Variants in TICAM1 observed in about 807,000 individuals in gnomAD.
TICAM1 encodes TIR domain containing adaptor molecule 1.
For missense variants in TICAM1, 895 were observed against 938.2 expected (o/e 0.95, Z 0.60); for synonymous variants, 439 against 415.4 (o/e 1.06, Z -0.69).
In TICAM1 at chr19:4,816,706, C is replaced by T. The variant is rs768703212; in HGVS notation, c.1672G>A (p.Gly558Ser). 3 of 1,614,092 alleles carry T rather than the reference C, an allele frequency of 1.9e-6. No individual in the cohort carries two copies. The highest frequency in any genetic ancestry group is 1.1e-5 in the South Asian group (1 of 91,086). ...ALREQSQHLD[G>S]ERMQAAALNA... Reference sequence around the variant, plus strand: ...AGTGCCGCCGCCTGCATCCGCTCACCGTCCAGGTGTTGGCTCTGTTCCCGC... The same window carrying T: ...AGTGCCGCCGCCTGCATCCGCTCACTGTCCAGGTGTTGGCTCTGTTCCCGC... The change falls in exon 2 of 2, where the codon GGT (glycine) becomes AGT (serine). Residue 558 changes from glycine (G) to serine (S), a missense_variant. Gly to Ser is a moderately conservative substitution (Grantham distance 56, BLOSUM62 0). Transcript: ENST00000248244. This position sits in a 1 kb window ranked among gnomAD's most constrained non-coding sequence, Gnocchi z 4.3.
In TICAM1 at chr19:4,816,562, G is replaced by C. The variant is rs1196941925; in HGVS notation, c.1816C>G (p.Arg606Gly). 6.2e-7 allele frequency: 1 copy of C among 1,611,466 alleles called. No homozygotes were observed. The highest frequency in any genetic ancestry group is 8.5e-7 in the Non-Finnish European group (1 of 1,179,482). The change falls in exon 2 of 2, where the codon CGA becomes GGA. Residue 606 changes from arginine (R) to glycine (G), a missense_variant. Transcript: ENST00000248244. The surrounding 1 kb of genome is among the most constrained non-coding windows in gnomAD (Gnocchi z 4.3). ...SFGTGAPYGA[R>G]MPFGGQVPLG... The stretch of plus-strand genomic sequence containing the variant: ...GGCACCTGGCCCCCAAAGGGCATTC[G>C]AGCCCCATAGGGCGCCCCAGTCCCA...
At chr19:4,830,772 G>C (rs1035097017) in intron 1 of TICAM1, among the ~76,000 whole-genome samples, 4 of 152,202 alleles carry the variant, frequency 2.6e-5, no homozygotes, top group Non-Finnish European at 5.9e-5. Context: ...AGGGGACCAC[G>C]GTGGTCAAGG....
Position 4,816,842 on chromosome 19 carries a change from C to T in TICAM1, c.1536G>A (p.Arg512=), listed in dbSNP as rs753938233. 5 of 1,612,496 alleles carry T rather than the reference C, an allele frequency of 3.1e-6. No homozygotes were observed. The Admixed American group carries it at 8.3e-5, about 27-fold the overall frequency. The change falls in exon 2 of 2, where the codon CGG becomes CGA. Residue 512 remains arginine (R), a synonymous_variant. Coordinates refer to ENST00000248244, the MANE Select transcript of TICAM1 (RefSeq NM_182919.4). The surrounding 1 kb of genome is among the most constrained non-coding windows in gnomAD (Gnocchi z 4.3). The part of the protein sequence containing the change: ...DTASLLSGLV[R]LDEHSQIFAR... ...CGAAGATCTGGGAGTGTTCGTCCAG[C>T]CGCACCAGCCCGGAGAGCAGGCTGG... is the stretch of plus-strand genomic sequence containing the variant.
At chr19:4,825,998 T>C (rs998827252) in intron 1 of TICAM1, among the ~76,000 whole-genome samples, 1 of 151,010 alleles carries the variant, frequency 6.6e-6, no homozygotes, top group East Asian at 1.9e-4. Flanking sequence ...TAAATAAAAT[T>C]AAAATAAAAA....
Position 4,816,634 on chromosome 19 carries a change from C to T in TICAM1, c.1744G>A (p.Ala582Thr). The T allele has an allele frequency of 1.2e-6, 2 of 1,614,160 alleles. No homozygotes were observed. Among genetic ancestry groups the T allele is most frequent in the Non-Finnish European group, 8.5e-7 (1 of 1,180,040 alleles). Reference protein sequence around the residue: ...AYLQSYLSYQAQMEQLQVAFG... With the variant: ...AYLQSYLSYQTQMEQLQVAFG... ...GCCACCTGGAGCTGCTCCATCTGTG[C>T]CTGGTAGGACAAGTAGCTCTGGAGG... Residue 582 changes from alanine (A) to threonine (T), a missense_variant, in exon 2 of 2, where the codon GCA becomes ACA. Coordinates refer to ENST00000248244, the MANE Select transcript of TICAM1 (RefSeq NM_182919.4). This position sits in a 1 kb window ranked among gnomAD's most constrained non-coding sequence, Gnocchi z 4.3.
chr19:4,830,065 C>G (rs576599022), intron 1 of TICAM1, among the ~76,000 whole-genome samples: 1 of 138,198 alleles, frequency 7.2e-6, no homozygotes, highest in African/African-American at 2.9e-5. Context: ...CCTGGGATTA[C>G]AGGCGTGAGC....
chr19:4,817,702 CA>C lies in TICAM1; in HGVS notation c.675del (p.His225GlnfsTer29). 6.3e-7 allele frequency: 1 copy of C among 1,593,730 alleles called. No homozygotes were observed. The highest frequency in any genetic ancestry group is 8.5e-7 in the Non-Finnish European group (1 of 1,171,424). ...MPFLSLHRSP[H>X]GPSKLCDDPQ... ...GGGTCGTCACAGAGCTTGCTGGGCC[CA>C]TGTGGGCTGCGGTGCAGGCTGAGGA... On this transcript the variant is annotated frameshift_variant, in exon 2 of 2. Transcript: ENST00000248244. LOFTEE classifies it low-confidence loss of function (END_TRUNC). The surrounding 1 kb of genome is among the most constrained non-coding windows in gnomAD (Gnocchi z 4.7).
rs2093592795 is a variant in TICAM1, at chr19:4,818,978, G to A, written c.-139-462C>T. ...TACAAAGAATTAGCCAGGAGTGGTG[G>A]TGCATTCTTGTAATCCCAGCTACTT... On this transcript the variant is annotated intron_variant, in intron 1 of 1. Coordinates refer to ENST00000248244, the MANE Select transcript of TICAM1 (RefSeq NM_182919.4). The surrounding 1 kb of genome is among the most constrained non-coding windows in gnomAD (Gnocchi z 4.0). Among the ~76,000 whole-genome samples the A allele has an allele frequency of 6.6e-6, 1 of 152,138 alleles. No homozygotes were observed. The highest frequency in any genetic ancestry group is 1.5e-5 in the Non-Finnish European group (1 of 68,014).
At chr19:4,827,757 C>CAAAAA (rs568047332) in intron 1 of TICAM1, among the ~76,000 whole-genome samples, 2 of 90,770 alleles carry the variant, frequency 2.2e-5, no homozygotes, top group Admixed American at 2.3e-4. Flanking sequence ...GACTCCATCT[C>CAAAAA]AAAAAAAAAA....
At position 4,816,924 on chromosome 19, in the gene TICAM1, C is replaced by G. The variant is rs199751361; in HGVS notation, c.1454G>C (p.Cys485Ser). ...SNLTRQGSPD[C>S]VIPFLPLESS... ...CTCCAGGGGCAGGAAGGGGATGACA[C>G]AGTCTGGCGACCCCTGTCGCGTGAG... The change falls in exon 2 of 2, where the codon TGT becomes TCT. Residue 485 changes from cysteine (C) to serine (S), a missense_variant. Coordinates refer to ENST00000248244, the MANE Select transcript of TICAM1 (RefSeq NM_182919.4). The surrounding 1 kb of genome is among the most constrained non-coding windows in gnomAD (Gnocchi z 4.3). The G allele has an allele frequency of 2.5e-6, 4 of 1,613,738 alleles. No individual in the cohort carries two copies. The highest frequency in any genetic ancestry group is 2.2e-5 in the East Asian group (1 of 44,876).
In TICAM1 at chr19:4,818,929, G is replaced by A. The variant is rs972470026; in HGVS notation, c.-139-413C>T. 5.3e-5 allele frequency among the ~76,000 whole-genome samples: 8 copies of A among 152,144 alleles called. No homozygotes were observed. The highest frequency in any genetic ancestry group is 1.9e-4 in the African/African-American group (8 of 41,432). ...GTTCGAGACCAGCCTGGCCAACATG[G>A]TGAAACCCCGTTTCTACTAAAAATA... On this transcript the variant is annotated intron_variant, in intron 1 of 1. Transcript: ENST00000248244. This position sits in a 1 kb window ranked among gnomAD's most constrained non-coding sequence, Gnocchi z 4.0.
chr19:4,817,705 G>A lies in TICAM1; in HGVS notation c.673C>T (p.His225Tyr), dbSNP rs1281678153. 1 of 1,594,288 alleles carries A rather than the reference G, an allele frequency of 6.3e-7. No homozygotes were observed. Among genetic ancestry groups the A allele is most frequent in the African/African-American group, 1.3e-5 (1 of 74,702 alleles). The change falls in exon 2 of 2, where the codon CAT becomes TAT. Residue 225 changes from histidine (H) to tyrosine (Y), a missense_variant. Physicochemically the swap from His to Tyr is moderately conservative, Grantham distance 83. Coordinates refer to ENST00000248244, the MANE Select transcript of TICAM1 (RefSeq NM_182919.4). This position sits in a 1 kb window ranked among gnomAD's most constrained non-coding sequence, Gnocchi z 4.7. ...MPFLSLHRSP[H>Y]GPSKLCDDPQ... The stretch of plus-strand genomic sequence containing the variant: ...TCGTCACAGAGCTTGCTGGGCCCAT[G>A]TGGGCTGCGGTGCAGGCTGAGGAAG...
In TICAM1 at chr19:4,816,994, A is replaced by G. The variant is rs1376015491; in HGVS notation, c.1384T>C (p.Cys462Arg). 1.2e-6 allele frequency: 2 copies of G among 1,614,092 alleles called. No homozygotes were observed. Among genetic ancestry groups the G allele is most frequent in the East Asian group, 4.5e-5 (2 of 44,862 alleles). Residue 462 changes from cysteine to arginine, a missense_variant, in exon 2 of 2, where the codon TGT becomes CGT. Physicochemically the swap from Cys to Arg is radical, Grantham distance 180. Coordinates refer to ENST00000248244, the MANE Select transcript of TICAM1 (RefSeq NM_182919.4). The surrounding 1 kb of genome is among the most constrained non-coding windows in gnomAD (Gnocchi z 4.3). ...IILLLTSNFD[C>R]RLSLHQVNQA... ...TTCACCTGGTGCAGGCTCAGGCGAC[A>G]GTCGAAGTTGGAGGTGAGAAGTAGG... is the stretch of plus-strand genomic sequence containing the variant.
At chr19:4,822,673 T>C (rs896749977) in intron 1 of TICAM1, among the ~76,000 whole-genome samples, 8 of 152,148 alleles carry the variant, frequency 5.3e-5, no homozygotes, top group Non-Finnish European at 1.0e-4. Context: ...AAGTGGAAAA[T>C]ATTCACTCTC....
rs1223804631 is a variant in TICAM1 at position 4,818,567 on chromosome 19, C to T, written c.-139-51G>A. The T allele has an allele frequency of 1.6e-5, 20 of 1,272,948 alleles. No individual in the cohort carries two copies. Among genetic ancestry groups the T allele is most frequent in the Admixed American group, 3.4e-5 (1 of 29,330 alleles). The allele number at this position is 1,272,948 out of a possible 1,614,324, so 78.9% of individuals were successfully genotyped here. On this transcript the variant is annotated intron_variant, in intron 1 of 1. Transcript: ENST00000248244. The surrounding 1 kb of genome is among the most constrained non-coding windows in gnomAD (Gnocchi z 4.0). Reference sequence around the variant, plus strand: ...CACTTACCCCCAAGAAAGGTCAGCACGGGAAGGCGGCCCACACACCCCCGC... The same window carrying T: ...CACTTACCCCCAAGAAAGGTCAGCATGGGAAGGCGGCCCACACACCCCCGC...
At position 4,816,932 on chromosome 19, in the gene TICAM1, C is replaced by T. The variant is rs765583204; in HGVS notation, c.1446G>A (p.Ser482=). Residue 482 remains serine (S), a synonymous_variant, in exon 2 of 2, where the codon TCG becomes TCA. Transcript: ENST00000248244. This position sits in a 1 kb window ranked among gnomAD's most constrained non-coding sequence, Gnocchi z 4.3. ...AMMSNLTRQG[S]PDCVIPFLPL... is the part of the protein sequence containing the mutation. ...GCAGGAAGGGGATGACACAGTCTGG[C>T]GACCCCTGTCGCGTGAGGTTGCTCA... 6.2e-6 allele frequency: 10 copies of T among 1,613,864 alleles called. No homozygotes were observed. Among genetic ancestry groups the T allele is most frequent in the Non-Finnish European group, 4.2e-6 (5 of 1,180,026 alleles).
Position 4,816,373 on chromosome 19 carries a change from C to G in TICAM1, c.2005G>C (p.Ala669Pro). The G allele has an allele frequency of 5.0e-6, 8 of 1,586,002 alleles. No homozygotes were observed. Among genetic ancestry groups the G allele is most frequent in the Non-Finnish European group, 6.9e-6 (8 of 1,167,360 alleles). Reference sequence around the variant, plus strand: ...TGCAGCCCTGGGCTCTGAGGGGGTGCGGGTGAGGCCGTAGGGAAGGCTGGG... The same window carrying G: ...TGCAGCCCTGGGCTCTGAGGGGGTGGGGGTGAGGCCGTAGGGAAGGCTGGG... ...QSPAFPTASPAPPQSPGLQPL... is the reference protein window; with the variant it reads ...QSPAFPTASPPPPQSPGLQPL... Residue 669 changes from alanine (A) to proline (P), a missense_variant, in exon 2 of 2, where the codon GCA becomes CCA. Physicochemically the swap from Ala to Pro is conservative, Grantham distance 27. Coordinates refer to ENST00000248244, the MANE Select transcript of TICAM1 (RefSeq NM_182919.4). The surrounding 1 kb of genome is among the most constrained non-coding windows in gnomAD (Gnocchi z 4.3).
chr19:4,824,210 T>C (rs1018500755), intron 1 of TICAM1, among the ~76,000 whole-genome samples: 2 of 152,054 alleles, frequency 1.3e-5, no homozygotes, highest in Admixed American at 6.6e-5. Context: ...GGTTTTGCCA[T>C]GTTGGCCAGG....
chr19:4,820,940 C>A (rs1452388009), intron 1 of TICAM1, among the ~76,000 whole-genome samples: 3 of 151,172 alleles, frequency 2.0e-5, no homozygotes, highest in Non-Finnish European at 2.9e-5. Context: ...GCTGCTAATC[C>A]TAGCACTTTG....
Sources: gnomAD v4.1 joint callset for allele counts (sites outside exome capture counted in the v4.1 genomes callset) on GRCh38, gnomAD v4.1.1 for gene constraint, Gnocchi (gnomAD v3.1) non-coding constraint, MANE v1.5 for transcripts, NCBI Gene and HGNC (gene_info 2026-07-23, HGNC 2026-07-21) for gene names.